Variants in ACSS3 observed in about 807,000 individuals in gnomAD.
The protein encoded by ACSS3 is acyl-CoA synthetase short-chain family member 3, mitochondrial.
In ACSS3, 64 loss-of-function variants were observed where a neutral mutation model predicts 84.2. The observed-to-expected ratio is 0.76, with a 90% CI of 0.62 to 0.94. The LOEUF (loss-of-function observed/expected upper bound fraction) is 0.94. Among genes scored for constraint, ACSS3 ranks in the 40% least tolerant of loss-of-function variants. The probability of loss-of-function intolerance (pLI) is 0.00; values close to 1 mark genes in which losing one functional copy is unlikely to be tolerated. For missense variants in ACSS3, 815 were observed against 867.6 expected (o/e 0.94, Z 0.76); for synonymous variants, 317 against 310.1 (o/e 1.02, Z -0.23).
chr12:81,151,760 G>A (rs1407268452), intron 5 of ACSS3, 84 bp from the exon 6 acceptor site: 3 of 1,204,986 alleles, frequency 2.5e-6, no homozygotes, highest in Non-Finnish European at 2.4e-6. Context: ...TTTTGACCAG[G>A]AACTTTTAAA....
intron 8 of ACSS3, among the ~76,000 whole-genome samples, chr12:81,176,011 C>A (rs894488429): frequency 2.0e-5 from 3 of 151,934 alleles, no homozygotes; most frequent in African/African-American, 7.3e-5. Flanking sequence ...TAGATCTGAA[C>A]TGAAAAAAAT....
At chr12:81,167,096 T>G (rs1349544867) in intron 7 of ACSS3, among the ~76,000 whole-genome samples, 2 of 152,246 alleles carry the variant, frequency 1.3e-5, no homozygotes, top group African/African-American at 4.8e-5. Context: ...GAATGTTAAA[T>G]ATGTCAGAGT....
intron 1 of ACSS3, among the ~76,000 whole-genome samples, chr12:81,103,702 A>C (rs1277975965): frequency 6.6e-6 from 1 of 152,126 alleles, no homozygotes; most frequent in African/African-American, 2.4e-5. Flanking sequence ...TTAAAAAAAA[A>C]ATTGTCTAAA....
At chr12:81,107,493 TTC>T (rs1555245513) in intron 1 of ACSS3, among the ~76,000 whole-genome samples, 2 of 120,186 alleles carry the variant, frequency 1.7e-5, no homozygotes, top group Non-Finnish European at 3.5e-5. Flanking sequence ...TGTTTTTTTT[TTC>T]AGGTACAAAT....
At position 81,134,822 on chromosome 12, in the gene ACSS3, A is replaced by G. The variant is rs1885700596; in HGVS notation, c.463A>G (p.Lys155Glu). Residue 155 changes from lysine to glutamate, a missense_variant, in exon 3 of 16, where the codon AAG (lysine) becomes GAG (glutamate). Coordinates refer to ENST00000548058, the MANE Select transcript of ACSS3 (RefSeq NM_024560.4). ...TYKEVLEQVS[K>E]LAGVLVKHGI... ...TTTAATGGTCTTGGCATAGGTCTCC[A>G]AGCTGGCTGGTGTCTTGGTCAAGCA... is the stretch of plus-strand genomic sequence containing the variant. 1.3e-6 allele frequency: 2 copies of G among 1,556,686 alleles called. No homozygotes were observed. The highest frequency in any genetic ancestry group is 1.7e-6 in the Non-Finnish European group (2 of 1,145,468).
chr12:81,084,907 T>G (rs1276927722), intron 1 of ACSS3, among the ~76,000 whole-genome samples: 1 of 152,214 alleles, frequency 6.6e-6, no homozygotes, highest in Non-Finnish European at 1.5e-5. Flanking sequence ...GAATAGCACA[T>G]TACAGAGTGA....
At chr12:81,155,309 G>T (rs774961975) in intron 7 of ACSS3, among the ~76,000 whole-genome samples, 1 of 152,022 alleles carries the variant, frequency 6.6e-6, no homozygotes, top group Non-Finnish European at 1.5e-5. Context: ...TTCTGCTTAC[G>T]TTTCCTGGAT....
Position 81,106,502 on chromosome 12 carries a change from C to T in ACSS3, c.312-3058C>T, listed in dbSNP as rs1256139520. On this transcript the variant is annotated intron_variant, in intron 1 of 15. Transcript: ENST00000548058. ...AATAAAGTGCACAATAAATGTAATG[C>T]GCTTGAATCATCCTGAAACCATACC... is the stretch of plus-strand genomic sequence containing the variant. Among the ~76,000 whole-genome samples the T allele has an allele frequency of 3.3e-5, 5 of 152,146 alleles. No homozygotes were observed. In the South Asian group the frequency reaches 8.3e-4, roughly 25 times the overall value.
intron 1 of ACSS3, among the ~76,000 whole-genome samples, chr12:81,099,392 A>C (rs183724154): frequency 8.5e-5 from 13 of 152,324 alleles, no homozygotes; most frequent in South Asian, 4.1e-4. Context: ...ATTTAATAAT[A>C]AATACATGCA....
At chr12:81,098,904 C>T (rs1882281021) in intron 1 of ACSS3, among the ~76,000 whole-genome samples, 1 of 152,154 alleles carries the variant, frequency 6.6e-6, no homozygotes. Flanking sequence ...CCACATTTTG[C>T]ATCTTATCAT....
intron 13 of ACSS3, among the ~76,000 whole-genome samples, chr12:81,249,501 G>A (rs941881085): frequency 2.6e-5 from 4 of 152,006 alleles, no homozygotes; most frequent in African/African-American, 9.7e-5. Flanking sequence ...TCTAACCAAA[G>A]TGTCACTATT....
chr12:81,188,423 T>C (rs2031390942), intron 8 of ACSS3, among the ~76,000 whole-genome samples: 2 of 152,050 alleles, frequency 1.3e-5, no homozygotes, highest in Admixed American at 6.6e-5. Context: ...GTTATAATTA[T>C]TACAAAGTGA....
At chr12:81,187,203 G>T (rs2031314739) in intron 8 of ACSS3, among the ~76,000 whole-genome samples, 1 of 151,648 alleles carries the variant, frequency 6.6e-6, no homozygotes, top group African/African-American at 2.4e-5. Flanking sequence ...TGGTTACCAG[G>T]ATTGGAAGAA....
intron 8 of ACSS3, among the ~76,000 whole-genome samples, chr12:81,182,734 T>G (rs1593170145): frequency 6.6e-6 from 1 of 152,128 alleles, no homozygotes; most frequent in East Asian, 1.9e-4. Context: ...TTAAAAACTG[T>G]TTTTCTTTCT....
intron 2 of ACSS3, among the ~76,000 whole-genome samples, chr12:81,127,269 T>C: frequency 6.6e-6 from 1 of 151,946 alleles, no homozygotes; most frequent in East Asian, 1.9e-4. Context: ...TATATGAAAA[T>C]ATTTATATTC....
intron 13 of ACSS3, among the ~76,000 whole-genome samples, chr12:81,244,281 C>G (rs2033910524): frequency 6.6e-6 from 1 of 151,872 alleles, no homozygotes; most frequent in African/African-American, 2.4e-5. Context: ...CTGGCTTTCT[C>G]TAGAATTTTT....
At chr12:81,243,183 A>G (rs1010443362) in intron 13 of ACSS3, among the ~76,000 whole-genome samples, 5 of 152,212 alleles carry the variant, frequency 3.3e-5, no homozygotes, top group Admixed American at 6.5e-5. Context: ...AAATCAATGT[A>G]CAAAAATCAC....
intron 12 of ACSS3, 103 bp downstream of exon 12, chr12:81,231,241 CTT>C: frequency 1.0e-6 from 1 of 955,096 alleles, no homozygotes. Flanking sequence ...CAAAAAGAAA[CTT>C]TTAAAGGTTA....
chr12:81,159,656 T>G (rs1412445862), intron 7 of ACSS3, among the ~76,000 whole-genome samples: 1 of 152,216 alleles, frequency 6.6e-6, no homozygotes, highest in Non-Finnish European at 1.5e-5. Flanking sequence ...ACCCTAACCG[T>G]GTATGAACAA....
Sources: allele counts gnomAD v4.1 joint callset (sites outside exome capture counted in the v4.1 genomes callset), GRCh38; gene constraint gnomAD v4.1.1; transcripts MANE v1.5; gene names NCBI Gene and HGNC (gene_info 2026-07-23, HGNC 2026-07-21).